The following RBPJ variants were observed in gnomAD, a reference collection of about 807,000 sequenced individuals.
RBPJ encodes recombination signal binding protein for immunoglobulin kappa J region, also known as recombining binding protein suppressor of hairless.
RBPJ carries 9 observed loss-of-function variants against 67.8 expected under a neutral mutation model. The observed-to-expected ratio is 0.13, with a 90% CI of 0.08 to 0.23. The LOEUF (loss-of-function observed/expected upper bound fraction) is 0.23. RBPJ is among the 10% of genes least tolerant of loss of function. The probability of loss-of-function intolerance (pLI) is 1.00; values close to 1 mark genes in which losing one functional copy is unlikely to be tolerated. For missense variants in RBPJ, 305 were observed against 595.6 expected (o/e 0.51, Z 5.08); for synonymous variants, 198 against 203.3 (o/e 0.97, Z 0.22).
intron 1 of RBPJ, among the ~76,000 whole-genome samples, chr4:26,366,462 C>G (rs1237063817): frequency 1.3e-5 from 2 of 152,028 alleles, no homozygotes; most frequent in African/African-American, 2.4e-5. Flanking sequence ...CTTGCTCTGT[C>G]ACCCAGGCTG....
the RBPJ span, among the ~76,000 whole-genome samples, chr4:26,144,867 G>A: frequency 6.6e-6 from 1 of 152,094 alleles, no homozygotes; most frequent in Non-Finnish European, 1.5e-5. Context: ...TTCCCTCCCT[G>A]TGATTTCTTC....
chr4:26,400,522 G>T (rs912935392), intron 2 of RBPJ, among the ~76,000 whole-genome samples: 1 of 152,194 alleles, frequency 6.6e-6, no homozygotes, highest in Non-Finnish European at 1.5e-5. Context: ...ACTATTTATT[G>T]TGTTTCTTTA....
At chr4:26,419,788 G>A (rs1456520698) in intron 4 of RBPJ, among the ~76,000 whole-genome samples, 1 of 152,130 alleles carries the variant, frequency 6.6e-6, no homozygotes, top group Non-Finnish European at 1.5e-5. Context: ...GTAGCATTTT[G>A]AAGGGTCTTT....
At chr4:26,161,756 G>A (rs1283325062), upstream of RBPJ, among the ~76,000 whole-genome samples, 1 of 152,210 alleles carries the variant, frequency 6.6e-6, no homozygotes, top group Non-Finnish European at 1.5e-5. Context: ...AGTGGTACTA[G>A]ACGTTCACCC....
At chr4:26,354,259 A>G (rs1033316500) in intron 1 of RBPJ, among the ~76,000 whole-genome samples, 2 of 152,058 alleles carry the variant, frequency 1.3e-5, no homozygotes, top group Admixed American at 1.3e-4. Flanking sequence ...GATAATTTAT[A>G]CAGCCACCGG....
chr4:26,367,755 A>G (rs1157148399), intron 1 of RBPJ: 3 of 152,330 alleles, frequency 2.0e-5, no homozygotes, highest in South Asian at 2.1e-4. Context: ...TTATAGATTT[A>G]TTGAGGATGA....
rs899858964 is a variant in RBPJ at position 26,252,987 on chromosome 4, C to T, written c.-167+89373C>T. Among the ~76,000 whole-genome samples, 15 of 152,260 alleles carry T rather than the reference C, an allele frequency of 9.9e-5. 1 individual carries two copies. In the South Asian group the frequency reaches 2.9e-3, roughly 29 times the overall value. ...GAGATTTATAATAATACCAAACTTA[C>T]ATGTTTGCTATAAGCATTATATTTG... is the stretch of plus-strand genomic sequence containing the variant. On this transcript the variant is annotated intron_variant, in intron 1 of 4. Transcript: ENST00000512351.
At chr4:26,382,614 C>T (rs1238576910) in intron 1 of RBPJ, among the ~76,000 whole-genome samples, 2 of 152,204 alleles carry the variant, frequency 1.3e-5, no homozygotes, top group African/African-American at 4.8e-5. Context: ...TCAGTCACAA[C>T]TCACTGCAGC....
At chr4:26,270,389 G>GAAAGAAAGA (rs1560237766) in intron 1 of RBPJ, among the ~76,000 whole-genome samples, 2 of 57,754 alleles carry the variant, frequency 3.5e-5, no homozygotes, top group African/African-American at 1.1e-4. Context: ...AAGAAAGAAA[G>GAAAGAAAGA]AAAGAAAGAA....
the RBPJ span, among the ~76,000 whole-genome samples, chr4:26,126,326 C>CA: frequency 9.2e-5 from 14 of 152,210 alleles, no homozygotes; most frequent in African/African-American, 2.4e-4. Context: ...CGCCCCCAAC[C>CA]CCAACTTCCT....
Position 26,431,821 on chromosome 4 carries a change from G to C in RBPJ, c.*814G>C, listed in dbSNP as rs1309462194. 11 of 151,720 alleles carry C rather than the reference G, an allele frequency of 7.3e-5. No homozygotes were observed. Among genetic ancestry groups the C allele is most frequent in the African/African-American group, 2.7e-4 (11 of 41,288 alleles). 9.4% of individuals were successfully genotyped at this position (151,720 alleles called of 1,614,324 possible). On this transcript the variant is annotated 3_prime_UTR_variant, in exon 11 of 11. Transcript: ENST00000355476. ...TCAGACACTGTTGGTAGTTATTTCT[G>C]TGTTTTCCTTTTTTTAAAAAAAAAT...
intron 2 of RBPJ, among the ~76,000 whole-genome samples, chr4:26,400,907 G>C (rs1732712098): frequency 6.6e-6 from 1 of 152,240 alleles, no homozygotes; most frequent in Non-Finnish European, 1.5e-5. Context: ...TAAATCTTCA[G>C]TGGGAAGATG....
At chr4:26,124,731 ATC>A in the RBPJ span, among the ~76,000 whole-genome samples, 2 of 151,804 alleles carry the variant, frequency 1.3e-5, no homozygotes, top group Admixed American at 6.6e-5. Context: ...CGTTTACCGC[ATC>A]TGTATGTGTT....
At chr4:26,166,118 T>C (rs1203134757) in intron 1 of RBPJ, among the ~76,000 whole-genome samples, 5 of 147,312 alleles carry the variant, frequency 3.4e-5, no homozygotes, top group Non-Finnish European at 6.0e-5. Context: ...AGTCTATCAT[T>C]GTTGGACATT....
chr4:26,323,964 G>A (rs1057187066), intron 1 of RBPJ, among the ~76,000 whole-genome samples: 8 of 152,136 alleles, frequency 5.3e-5, no homozygotes, highest in African/African-American at 1.9e-4. Flanking sequence ...ATCTCAACTA[G>A]GGGCAGTATT....
At chr4:26,180,481 C>T (rs555753967) in intron 1 of RBPJ, among the ~76,000 whole-genome samples, 3 of 152,138 alleles carry the variant, frequency 2.0e-5, no homozygotes, top group Non-Finnish European at 2.9e-5. Flanking sequence ...ATCAAGATGT[C>T]GGCAGATTCA....
chr4:26,364,893 AG>A (rs1337013499), intron 1 of RBPJ, among the ~76,000 whole-genome samples: 1 of 151,712 alleles, frequency 6.6e-6, no homozygotes, highest in Non-Finnish European at 1.5e-5. Context: ...CTGGGATTAT[AG>A]GTGTGAGCCA....
chr4:26,320,585 C>T, upstream of RBPJ: 2 of 688,172 alleles, frequency 2.9e-6, no homozygotes, highest in Non-Finnish European at 4.8e-6. Flanking sequence ...GGTGTTTCAT[C>T]TAGGCCTGTG....
At chr4:26,131,689 A>G in the RBPJ span, among the ~76,000 whole-genome samples, 5,973 of 152,338 alleles carry the variant, frequency 0.039, 121 homozygotes, top group Middle Eastern at 0.088. Flanking sequence ...TCCTTATAAG[A>G]GAAAGACAGA....
Sources: gnomAD v4.1 joint callset for allele counts (sites outside exome capture counted in the v4.1 genomes callset) on GRCh38, gnomAD v4.1.1 for gene constraint, MANE v1.5 for transcripts, NCBI Gene and HGNC (gene_info 2026-07-23, HGNC 2026-07-21) for gene names.